The following UFC1 variants were observed in gnomAD, a reference collection of about 807,000 sequenced individuals.
UFC1 encodes the protein ubiquitin-fold modifier conjugating enzyme 1, also known as ubiquitin-fold modifier-conjugating enzyme 1.
Under a neutral mutation model 28.0 loss-of-function variants are expected in UFC1, and 22 were observed. The observed-to-expected ratio is 0.78, with a 90% CI of 0.56 to 1.12. The LOEUF is 1.12. UFC1 is among the 50% of genes most tolerant of loss of function. The pLI, the probability that UFC1 is intolerant of heterozygous loss-of-function variation, is 0.00. For synonymous variants in UFC1, 61 were observed against 74.5 expected (o/e 0.82, Z 0.93); for missense variants, 189 against 207.8 (o/e 0.91, Z 0.56).
At position 161,156,990 on chromosome 1, in the gene UFC1, G is replaced by C; in HGVS notation, c.164G>C (p.Arg55Pro). The C allele has an allele frequency of 6.2e-7, 1 of 1,614,178 alleles. No individual in the cohort carries two copies. The highest frequency in any genetic ancestry group is 8.5e-7 in the Non-Finnish European group (1 of 1,180,036). ...NNKNADNDWF[R>P]LESNKEGTRW... ...AAGAATGCTGACAACGATTGGTTCC[G>C]ACTGGAGTCCAACAAGGAAGGAACT... Residue 55 changes from arginine to proline, a missense_variant, in exon 2 of 6, where the codon CGA becomes CCA. Arg to Pro is a moderately radical substitution (Grantham distance 103, BLOSUM62 -2). Transcript: ENST00000368003.
At chr1:161,157,553 G>A in intron 3 of UFC1, 64 bp from the exon 4 acceptor site, 1 of 1,494,686 alleles carries the variant, frequency 6.7e-7, no homozygotes, top group South Asian at 1.2e-5. Context: ...AAATATGTAT[G>A]TCTGATTATA....
At chr1:161,154,357 T>G (rs936271102) in intron 1 of UFC1, among the ~76,000 whole-genome samples, 1 of 152,132 alleles carries the variant, frequency 6.6e-6, no homozygotes, top group Admixed American at 6.5e-5. Context: ...AGCAGTTATT[T>G]TAGGGATACG....
At chr1:161,157,186 T>G (rs1657540126) in intron 2 of UFC1, 68 bp from the exon 3 acceptor site, 1 of 1,603,930 alleles carries the variant, frequency 6.2e-7, no homozygotes, top group African/African-American at 1.3e-5. Context: ...GCTGGTGGCC[T>G]AAGCCAAGAT....
rs947025377 is a variant in UFC1, at chr1:161,157,306, A to G, written c.244A>G (p.Ile82Val). Residue 82 changes from isoleucine to valine, a missense_variant, in exon 3 of 6, where the codon ATC becomes GTC. By Grantham distance (29) the Ile-to-Val change is conservative. Coordinates refer to ENST00000368003, the MANE Select transcript of UFC1 (RefSeq NM_016406.4). ...IHDLLKYEFD[I>V]EFDIPITYPT... Reference sequence around the variant, plus strand: ...TGACCTCCTGAAATATGAGTTTGACATCGAGTTTGACGTGAGTGTGATAGA... The same window carrying G: ...TGACCTCCTGAAATATGAGTTTGACGTCGAGTTTGACGTGAGTGTGATAGA... 23 of 1,614,120 alleles carry G rather than the reference A, an allele frequency of 1.4e-5. No homozygotes were observed. The highest frequency in any genetic ancestry group is 2.2e-5 in the East Asian group (1 of 44,904).
chr1:161,157,718 A>G (rs773582084), intron 4 of UFC1, 25 bp downstream of exon 4: 1 of 1,603,482 alleles, frequency 6.2e-7, no homozygotes, highest in South Asian at 1.1e-5. Flanking sequence ...GAGATGGCAA[A>G]GAGTCAAAGA....
In UFC1 at chr1:161,157,005, A is replaced by G. The variant is rs756096248; in HGVS notation, c.179A>G (p.Lys60Arg). ...GATTGGTTCCGACTGGAGTCCAACA[A>G]GGAAGGAACTCGGTAGGTAGACCCT... is the stretch of plus-strand genomic sequence containing the variant. Reference protein sequence around the residue: ...DNDWFRLESNKEGTRWFGKCW... With the variant: ...DNDWFRLESNREGTRWFGKCW... The change falls in exon 2 of 6, where the codon AAG becomes AGG. Residue 60 changes from lysine (K) to arginine (R), a missense_variant. By Grantham distance (26) the Lys-to-Arg change is conservative. Coordinates refer to ENST00000368003, the MANE Select transcript of UFC1 (RefSeq NM_016406.4). 3 of 1,614,168 alleles carry G rather than the reference A, an allele frequency of 1.9e-6. No individual in the cohort carries two copies. Among genetic ancestry groups the G allele is most frequent in the Non-Finnish European group, 2.5e-6 (3 of 1,180,006 alleles).
At chr1:161,157,822 A>C in intron 4 of UFC1, 129 bp downstream of exon 4, 1 of 786,014 alleles carries the variant, frequency 1.3e-6, no homozygotes. Context: ...GGGATGATCT[A>C]TGTGTAAATC....
rs553664957 is a variant in UFC1 at position 161,154,253 on chromosome 1, T to C, written c.123+133T>C. 1.3e-5 allele frequency: 18 copies of C among 1,424,060 alleles called. No homozygotes were observed. The East Asian group carries it at 3.0e-4, about 24-fold the overall frequency. The allele number at this position is 1,424,060 out of a possible 1,614,324, so 88.2% of individuals were successfully genotyped here. On this transcript the variant is annotated intron_variant, in intron 1 of 5. Coordinates refer to ENST00000368003, the MANE Select transcript of UFC1 (RefSeq NM_016406.4). ...GCCCAAATTCATAGAAATGGGACTA[T>C]TGTGGGGCTCGGGGACTAAGGAGGG...
intron 3 of UFC1, 149 bp from the exon 4 acceptor site, chr1:161,157,468 C>G: frequency 4.8e-6 from 6 of 1,258,108 alleles, no homozygotes; most frequent in Non-Finnish European, 6.9e-6. Flanking sequence ...GTTATATTTA[C>G]TCATCTCCAC....
At chr1:161,157,933 G>A (rs1657586502) in intron 4 of UFC1, 188 bp from the exon 5 acceptor site, 2 of 640,556 alleles carry the variant, frequency 3.1e-6, no homozygotes, top group Non-Finnish European at 5.4e-6. Flanking sequence ...GAACTTTGGA[G>A]GCAGAGATTT....
At chr1:161,154,461 C>T (rs1363406443) in intron 1 of UFC1, among the ~76,000 whole-genome samples, 2 of 152,138 alleles carry the variant, frequency 1.3e-5, no homozygotes, top group African/African-American at 2.4e-5. Flanking sequence ...CAGTCCGCAT[C>T]TCTCTGCCCC....
chr1:161,157,050 G>A (rs1461964856), intron 2 of UFC1, 33 bp downstream of exon 2: 2 of 1,607,588 alleles, frequency 1.2e-6, no homozygotes, highest in African/African-American at 2.7e-5. Flanking sequence ...TGTGGGGTGG[G>A]AGTCTTATAT....
intron 1 of UFC1, among the ~76,000 whole-genome samples, 198 bp downstream of exon 1, chr1:161,154,318 C>T (rs556703780): frequency 6.6e-6 from 1 of 152,186 alleles, no homozygotes; most frequent in East Asian, 1.9e-4. Context: ...GTGAGGTGCA[C>T]AGTGGGGCCA....
chr1:161,154,567 C>T (rs981090168), intron 1 of UFC1, among the ~76,000 whole-genome samples: 6 of 152,180 alleles, frequency 3.9e-5, no homozygotes, highest in African/African-American at 1.4e-4. Context: ...TCACTGCAAC[C>T]TCCGACTCCC....
At chr1:161,157,512 G>C in intron 3 of UFC1, 105 bp from the exon 4 acceptor site, 7 of 1,292,420 alleles carry the variant, frequency 5.4e-6, no homozygotes, top group African/African-American at 3.0e-5. Flanking sequence ...GCTCCTTGGG[G>C]AGTTTTACTT....
intron 1 of UFC1, 76 bp from the exon 2 acceptor site, chr1:161,156,874 A>G: frequency 8.0e-7 from 1 of 1,251,288 alleles, no homozygotes; most frequent in Non-Finnish European, 1.1e-6. Flanking sequence ...AAATAACCAC[A>G]TACTTTTCTT....
In UFC1 at chr1:161,158,572, TCTAA is replaced by T; in HGVS notation, c.*83_*86del. The T allele has an allele frequency of 6.8e-7, 1 of 1,465,634 alleles. No individual in the cohort carries two copies. The highest frequency in any genetic ancestry group is 1.7e-5 in the Admixed American group (1 of 57,662). 90.8% of individuals were successfully genotyped at this position (1,465,634 alleles called of 1,614,324 possible). Reference sequence around the variant, plus strand: ...TTTCCTGTGCATCACACTTAACTCATCTAACTGCTTCCCCGGACACCCTCCACCT... The same window carrying T: ...TTTCCTGTGCATCACACTTAACTCATCTGCTTCCCCGGACACCCTCCACCT... On this transcript the variant is annotated 3_prime_UTR_variant, in exon 6 of 6. Coordinates refer to ENST00000368003, the MANE Select transcript of UFC1 (RefSeq NM_016406.4).
Position 161,156,970 on chromosome 1 carries a change from T to G in UFC1, c.144T>G (p.Asn48Lys), listed in dbSNP as rs1479244039. The change falls in exon 2 of 6, where the codon AAT becomes AAG. Residue 48 changes from asparagine to lysine, a missense_variant. By Grantham distance (94) the Asn-to-Lys change is moderately conservative. Transcript: ENST00000368003. Reference protein sequence around the residue: ...SLIRYVENNKNADNDWFRLES... With the variant: ...SLIRYVENNKKADNDWFRLES... Reference sequence around the variant, plus strand: ...TTCAGTATGTGGAGAACAACAAGAATGCTGACAACGATTGGTTCCGACTGG... The same window carrying G: ...TTCAGTATGTGGAGAACAACAAGAAGGCTGACAACGATTGGTTCCGACTGG... 6.2e-7 allele frequency: 1 copy of G among 1,614,200 alleles called. No homozygotes were observed. Among genetic ancestry groups the G allele is most frequent in the Admixed American group, 1.7e-5 (1 of 60,026 alleles).
intron 4 of UFC1, 87 bp downstream of exon 4, chr1:161,157,780 C>G: frequency 1.8e-6 from 2 of 1,087,522 alleles, no homozygotes; most frequent in Non-Finnish European, 2.8e-6. Context: ...GGAAGAATAG[C>G]TAATGGATGC....
Sources: gnomAD v4.1 joint callset for allele counts (sites outside exome capture counted in the v4.1 genomes callset) on GRCh38, gnomAD v4.1.1 for gene constraint, MANE v1.5 for transcripts, NCBI Gene and HGNC (gene_info 2026-07-23, HGNC 2026-07-21) for gene names.